The following PLPP1 variants were observed in gnomAD, a reference collection of about 807,000 sequenced individuals.
The protein encoded by PLPP1 is lipid phosphate phosphohydrolase 1a.
Under a neutral mutation model 31.2 loss-of-function variants are expected in PLPP1, and 24 were observed. The observed-to-expected ratio is 0.77, with a 90% CI of 0.56 to 1.08. PLPP1 has a LOEUF of 1.08. Among genes scored for constraint, PLPP1 ranks in the 50% least tolerant of loss-of-function variants. PLPP1 has a pLI of 0.00. For synonymous variants in PLPP1, 146 were observed against 126.3 expected, an observed-to-expected ratio of 1.16 and a Z score of -1.05; for missense variants, 319 against 342.7, an observed-to-expected ratio of 0.93 and a Z score of 0.55.
chr5:55,446,659 TG>T (rs1751771986), intron 3 of PLPP1, among the ~76,000 whole-genome samples: 1 of 152,246 alleles, frequency 6.6e-6, no homozygotes, highest in African/African-American at 2.4e-5. Flanking sequence ...AGAGAAGGTA[TG>T]TGTTCACTTA....
At chr5:55,449,703 G>A (rs1477145654) in intron 3 of PLPP1, among the ~76,000 whole-genome samples, 3 of 152,074 alleles carry the variant, frequency 2.0e-5, no homozygotes, top group Admixed American at 2.0e-4. Context: ...TACAACATGA[G>A]GCATTTTCTT....
intron 1 of PLPP1, among the ~76,000 whole-genome samples, chr5:55,492,206 G>A (rs1351399172): frequency 1.3e-5 from 2 of 151,910 alleles, no homozygotes; most frequent in Non-Finnish European, 2.9e-5. Context: ...CCATACTTAG[G>A]GAAGACAAAT....
At chr5:55,454,386 A>G (rs944467015) in intron 3 of PLPP1, among the ~76,000 whole-genome samples, 1 of 152,178 alleles carries the variant, frequency 6.6e-6, no homozygotes, top group African/African-American at 2.4e-5. Context: ...CTGTATCAAC[A>G]AAAGCTTTTT....
At chr5:55,497,432 T>C (rs1172215992) in intron 1 of PLPP1, among the ~76,000 whole-genome samples, 3 of 150,956 alleles carry the variant, frequency 2.0e-5, no homozygotes, top group African/African-American at 7.3e-5. Flanking sequence ...TTTTTTTTTT[T>C]GGTAGGGACA....
At chr5:55,481,633 T>C (rs562924780) in intron 1 of PLPP1, among the ~76,000 whole-genome samples, 1 of 152,280 alleles carries the variant, frequency 6.6e-6, no homozygotes, top group Admixed American at 6.5e-5. Context: ...ACCCACGGAA[T>C]AGAAAGAACT....
intron 4 of PLPP1, among the ~76,000 whole-genome samples, chr5:55,428,354 G>A (rs974751209): frequency 2.6e-5 from 4 of 152,144 alleles, no homozygotes; most frequent in East Asian, 1.9e-4. Context: ...CAGGGTACTC[G>A]GTGTAGCTCT....
rs368115145 is a variant in PLPP1, at chr5:55,426,079, A to T, written c.550-40T>A. 9.3e-6 allele frequency: 14 copies of T among 1,504,752 alleles called. No individual in the cohort carries two copies. The African/African-American group carries it at 1.8e-4, about 20-fold the overall frequency. 93.2% of individuals were successfully genotyped at this position (1,504,752 alleles called of 1,614,324 possible). ...TAAAGAAAAAAATAGTTTATTTAAC[A>T]TAACGCAAAACTTTTATATTAAGGA... On this transcript the variant is annotated intron_variant, in intron 4 of 5. Transcript: ENST00000307259.
At chr5:55,427,936 C>G (rs888114229) in intron 4 of PLPP1, among the ~76,000 whole-genome samples, 1 of 152,068 alleles carries the variant, frequency 6.6e-6, no homozygotes, top group Non-Finnish European at 1.5e-5. Context: ...CAGGCACTCA[C>G]CACCACTCCC....
At chr5:55,466,161 A>AT (rs1337031742) in intron 3 of PLPP1, among the ~76,000 whole-genome samples, 3 of 152,138 alleles carry the variant, frequency 2.0e-5, no homozygotes, top group Admixed American at 6.6e-5. Context: ...CTTTACACCC[A>AT]TATCAGTCCT....
At chr5:55,468,175 T>C (rs1752345206) in intron 2 of PLPP1, 26 bp from the exon 3 acceptor site, 7 of 1,531,092 alleles carry the variant, frequency 4.6e-6, no homozygotes, top group East Asian at 2.3e-5. Context: ...AAAAATAACA[T>C]GTTAAAGTAG....
chr5:55,480,531 A>G (rs1176097532), intron 1 of PLPP1, among the ~76,000 whole-genome samples: 1 of 152,054 alleles, frequency 6.6e-6, no homozygotes, highest in Non-Finnish European at 1.5e-5. Flanking sequence ...CATTTCATAT[A>G]AATGGAATTA....
At position 55,534,641 on chromosome 5, in the gene PLPP1, G is replaced by C. The variant is rs772413266; in HGVS notation, c.-12C>G. The C allele has an allele frequency of 6.1e-5, 94 of 1,543,994 alleles. No individual in the cohort carries two copies. The highest frequency in any genetic ancestry group is 7.8e-5 in the Non-Finnish European group (90 of 1,146,906). On this transcript the variant is annotated 5_prime_UTR_variant, in exon 1 of 6. Coordinates refer to ENST00000307259, the MANE Select transcript of PLPP1 (RefSeq NM_003711.4). The stretch of plus-strand genomic sequence containing the variant: ...GTCTTGTCAAACATGGTCTCTGCCC[G>C]GGCTGCCCGGCAAGGGCGATGGACT...
chr5:55,425,421 A>G, intron 5 of PLPP1, 87 bp from the exon 6 acceptor site: 2 of 1,255,640 alleles, frequency 1.6e-6, no homozygotes, highest in Non-Finnish European at 2.2e-6. Context: ...TAAGATAAAT[A>G]TAAACAAAAG....
intron 1 of PLPP1, among the ~76,000 whole-genome samples, chr5:55,532,954 CAAA>C (rs61144694): frequency 5.9e-4 from 71 of 121,296 alleles, no homozygotes; most frequent in Admixed American, 7.5e-4. Flanking sequence ...AGACCGTCTC[CAAA>C]AAAAAAAAAA....
At chr5:55,494,180 G>GAA (rs35103247) in intron 1 of PLPP1, among the ~76,000 whole-genome samples, 1 of 139,076 alleles carries the variant, frequency 7.2e-6, no homozygotes, top group East Asian at 2.0e-4. Flanking sequence ...TAACTTCCAG[G>GAA]AAAAAAAAAA....
chr5:55,479,717 C>T (rs1752632660), intron 1 of PLPP1, among the ~76,000 whole-genome samples: 1 of 152,132 alleles, frequency 6.6e-6, no homozygotes, highest in African/African-American at 2.4e-5. Context: ...TATTAGAGCA[C>T]CTTTTACCCT....
chr5:55,461,433 T>C (rs1752152102), intron 3 of PLPP1, among the ~76,000 whole-genome samples: 1 of 152,068 alleles, frequency 6.6e-6, no homozygotes, highest in Non-Finnish European at 1.5e-5. Flanking sequence ...ACTAAGTATA[T>C]ACCCCAGGGA....
intron 4 of PLPP1, among the ~76,000 whole-genome samples, chr5:55,428,211 C>T (rs1256577182): frequency 1.3e-5 from 2 of 152,260 alleles, no homozygotes; most frequent in African/African-American, 2.4e-5. Flanking sequence ...GAAATTATTT[C>T]ACCGTGAGAA....
chr5:55,431,603 A>C (rs547412745), intron 4 of PLPP1, among the ~76,000 whole-genome samples: 1 of 152,302 alleles, frequency 6.6e-6, no homozygotes, highest in South Asian at 2.1e-4. Context: ...GACATACCGA[A>C]ACCCAACAAC....
Sources: allele counts gnomAD v4.1 joint callset (sites outside exome capture counted in the v4.1 genomes callset), GRCh38; gene constraint gnomAD v4.1.1; transcripts MANE v1.5; gene names NCBI Gene and HGNC (gene_info 2026-07-23, HGNC 2026-07-21).